Variants in HR observed in about 807,000 individuals in gnomAD.
HR encodes the protein lysine-specific demethylase hairless.
In HR, 83 loss-of-function variants were observed where a neutral mutation model predicts 128.6. The ratio of observed to expected loss-of-function variants is 0.65; its 90% CI spans 0.54 to 0.77. The LOEUF (loss-of-function observed/expected upper bound fraction) is 0.77, where lower values mean the gene tolerates loss of function less well. HR is among the 30% of genes least tolerant of loss of function. The pLI is 0.00. For synonymous variants in HR, 681 were observed against 658.2 expected (o/e 1.03, Z -0.53); for missense variants, 1,490 against 1,574.6 (o/e 0.95, Z 0.91).
chr8:22,127,562 A>G lies in HR; in HGVS notation c.880T>C (p.Trp294Arg), dbSNP rs1310981553. The change falls in exon 3 of 19, where the codon TGG becomes CGG. Residue 294 changes from tryptophan to arginine, a missense_variant. Coordinates refer to ENST00000381418, the MANE Select transcript of HR (RefSeq NM_005144.5). ...AGGTTCCCATCGCCTGGCCCAGCCC[A>G]GACGTTGCCAAGAGTATGAACAAGG... ...PGLVHTLGNVWAGPGDGNLGY... is the reference protein window; with the variant it reads ...PGLVHTLGNVRAGPGDGNLGY... The G allele has an allele frequency of 6.2e-7, 1 of 1,613,034 alleles. No homozygotes were observed. Among genetic ancestry groups the G allele is most frequent in the Non-Finnish European group, 8.5e-7 (1 of 1,180,012 alleles).
In HR at chr8:22,119,176, G is replaced by C. The variant is rs772688334; in HGVS notation, c.3085C>G (p.Arg1029Gly). 2 of 1,613,712 alleles carry C rather than the reference G, an allele frequency of 1.2e-6. No homozygotes were observed. The highest frequency in any genetic ancestry group is 1.7e-6 in the Non-Finnish European group (2 of 1,180,024). The change falls in exon 15 of 19, where the codon CGG becomes GGG. Residue 1029 changes from arginine to glycine, a missense_variant. By Grantham distance (125) the Arg-to-Gly change is moderately radical. This residue lies in a region of HR where 423 missense variants were observed against 495.9 expected (regional missense o/e 0.85). Transcript: ENST00000381418. ...HADTPLPAWH[R>G]AQKDFLSGLD... ...GCCGAGGACCTACCTTTCTGTGCCCGGTGCCAGGCAGGCAGTGGTGTGTCG... is the reference window on the plus strand; with the variant it reads ...GCCGAGGACCTACCTTTCTGTGCCCCGTGCCAGGCAGGCAGTGGTGTGTCG...
chr8:22,124,596 C>A (rs367694474), intron 5 of HR, among the ~76,000 whole-genome samples: 1 of 152,114 alleles, frequency 6.6e-6, no homozygotes, highest in Non-Finnish European at 1.5e-5. Context: ...TGTGGCACCA[C>A]GAGGCGGGTG....
At chr8:22,122,918 C>A in intron 6 of HR, 39 bp from the exon 7 acceptor site, 1 of 1,534,954 alleles carries the variant, frequency 6.5e-7, no homozygotes, top group Non-Finnish European at 8.8e-7. Context: ...GTCCAGAAAT[C>A]AAGGTAATCA....
At chr8:22,128,427 A>G in intron 2 of HR, 132 bp downstream of exon 2, 2 of 1,290,198 alleles carry the variant, frequency 1.6e-6, no homozygotes, top group Non-Finnish European at 2.2e-6. Context: ...GGCCTGGGAC[A>G]GCTCCAAGCT....
intron 3 of HR, among the ~76,000 whole-genome samples, chr8:22,126,711 G>T (rs1482918827): frequency 6.6e-6 from 1 of 152,182 alleles, no homozygotes; most frequent in Non-Finnish European, 1.5e-5. Flanking sequence ...GCCCAGAGAG[G>T]CGAAGCAACT....
rs1586365677 is a variant in HR at position 22,114,762 on chromosome 8, T to G, written c.*938A>C. 6.6e-6 allele frequency: 1 copy of G among 152,472 alleles called. No individual in the cohort carries two copies. The highest frequency in any genetic ancestry group is 2.4e-5 in the African/African-American group (1 of 41,452). The allele number at this position is 152,472 out of a possible 1,614,324, so 9.4% of individuals were successfully genotyped here. On this transcript the variant is annotated 3_prime_UTR_variant, in exon 19 of 19. Transcript: ENST00000381418. Reference sequence around the variant, plus strand: ...AGAGATGGGGCGGACTGGAGCTTGCTGGGTGGAGTAGGGCTCGGGAGTCTC... The same window carrying G: ...AGAGATGGGGCGGACTGGAGCTTGCGGGGTGGAGTAGGGCTCGGGAGTCTC...
At chr8:22,117,499 C>G (rs1826623215) in intron 16 of HR, 1 of 157,030 alleles carries the variant, frequency 6.4e-6, no homozygotes, top group South Asian at 2.0e-4. Flanking sequence ...CTGTGTGTCC[C>G]TGGGGAGACA....
chr8:22,120,666 G>A (rs544189582), intron 11 of HR, 50 bp downstream of exon 11: 4 of 1,521,472 alleles, frequency 2.6e-6, no homozygotes, highest in East Asian at 2.4e-5. Flanking sequence ...AAGGCCCCGA[G>A]GGGCAGGTGG....
rs757555166 is a variant in HR, at chr8:22,122,580, G to T, written c.2034C>A (p.His678Gln). 5 of 1,611,626 alleles carry T rather than the reference G, an allele frequency of 3.1e-6. No homozygotes were observed. The African/African-American group carries it at 5.3e-5, about 17-fold the overall frequency. Residue 678 changes from histidine (H) to glutamine (Q), a missense_variant, in exon 8 of 19, where the codon CAC becomes CAA. Transcript: ENST00000381418. ...QALAELSTAM[H>Q]QVWVKFDIRG... ...GGATATCAAACTTGACCCAGACCTG[G>T]TGCATTGCAGTGCTCAGCTCTGCCA... is the stretch of plus-strand genomic sequence containing the variant.
intron 8 of HR, among the ~76,000 whole-genome samples, chr8:22,122,099 A>G (rs899371128): frequency 1.3e-5 from 2 of 152,200 alleles, no homozygotes; most frequent in Non-Finnish European, 2.9e-5. Context: ...AACTTCAAAA[A>G]ACTTTGCAGA....
rs757884767 is a variant in HR at position 22,127,734 on chromosome 8, G to C, written c.708C>G (p.His236Gln). The C allele has an allele frequency of 6.2e-7, 1 of 1,604,968 alleles. No homozygotes were observed. Among genetic ancestry groups the C allele is most frequent in the South Asian group, 1.1e-5 (1 of 91,088 alleles). The change falls in exon 3 of 19, where the codon CAC becomes CAG. Residue 236 changes from histidine to glutamine, a missense_variant. His to Gln is a conservative substitution (Grantham distance 24). Around this residue, in one of 3 missense-constraint regions of HR, gnomAD observed 1,060 missense variants for 1,060.9 expected, o/e 1.00. Transcript: ENST00000381418. ...PGLFGLNSGG[H>Q]LQRAGEAERP... ...GTTCGGCCTCCCCGGCTCTCTGCAG[G>C]TGCCCACCAGAGTTTAAGCCAAACA... is the stretch of plus-strand genomic sequence containing the variant.
intron 9 of HR, 91 bp downstream of exon 9, chr8:22,121,521 TC>T: frequency 7.3e-7 from 1 of 1,360,744 alleles, no homozygotes; most frequent in Non-Finnish European, 1.0e-6. Context: ...GTTGCTAAAG[TC>T]CCCGGAGACT....
chr8:22,128,373 A>T, intron 2 of HR, 186 bp downstream of exon 2: 2 of 758,878 alleles, frequency 2.6e-6, no homozygotes, highest in Non-Finnish European at 4.4e-6. Context: ...AGGCCTAGAG[A>T]GATGGAGCTG....
At chr8:22,123,617 T>TACCCCCCCCC in intron 6 of HR, 32 bp downstream of exon 6, 6 of 292,092 alleles carry the variant, frequency 2.1e-5, no homozygotes, top group South Asian at 6.1e-5. Flanking sequence ...GAGGGCTCCA[T>TACCCCCCCCC]CCCGCCCTCC....
chr8:22,119,107 C>A (rs375405591), intron 15 of HR, 42 bp from the exon 16 acceptor site: 1 of 1,613,526 alleles, frequency 6.2e-7, no homozygotes, highest in Non-Finnish European at 8.5e-7. Flanking sequence ...GGGCTGGTGG[C>A]GACAAACACT....
At chr8:22,125,204 T>G in intron 5 of HR, 107 bp downstream of exon 5, 50 of 1,154,094 alleles carry the variant, frequency 4.3e-5, no homozygotes, top group South Asian at 7.2e-5. Context: ...GGGGCTCTTC[T>G]GAGGTTGCCT....
At chr8:22,126,231 G>A (rs1376113034) in intron 3 of HR, among the ~76,000 whole-genome samples, 2 of 152,014 alleles carry the variant, frequency 1.3e-5, no homozygotes, top group Non-Finnish European at 2.9e-5. Context: ...AGAGGCCTGG[G>A]CAGAGGGCAC....
At chr8:22,128,419 C>A (rs908144201) in intron 2 of HR, 140 bp downstream of exon 2, 8 of 1,215,768 alleles carry the variant, frequency 6.6e-6, no homozygotes, top group African/African-American at 1.5e-5. Flanking sequence ...GACTGTGGGG[C>A]CTGGGACAGC....
At chr8:22,123,616 A>AAGCACCCC in intron 6 of HR, 33 bp downstream of exon 6, 1 of 562,348 alleles carries the variant, frequency 1.8e-6, no homozygotes, top group Non-Finnish European at 3.0e-6. Context: ...TGAGGGCTCC[A>AAGCACCCC]TCCCGCCCTC....
Sources: allele counts gnomAD v4.1 joint callset (sites outside exome capture counted in the v4.1 genomes callset), GRCh38; gene constraint gnomAD v4.1.1; regional missense constraint gnomAD v4.1.1; transcripts MANE v1.5; gene names NCBI Gene and HGNC (gene_info 2026-07-23, HGNC 2026-07-21).